Variants in FAT3 observed in about 807,000 individuals in gnomAD.
The protein encoded by FAT3 is FAT atypical cadherin 3.
FAT3 carries 95 observed loss-of-function variants against 310.2 expected under a neutral mutation model. That is an observed-to-expected ratio of 0.31 (90% confidence interval 0.26 to 0.36). FAT3 has a LOEUF of 0.36. FAT3 is among the 10% of genes least tolerant of loss of function. FAT3 has a pLI of 1.00. For synonymous variants in FAT3, 2,314 were observed against 2,192.9 expected, an observed-to-expected ratio of 1.06 and a Z score of -1.54; for missense variants, 5,408 against 5,715.6, an observed-to-expected ratio of 0.95 and a Z score of 1.74.
At chr11:92,462,999 A>G (rs1951672922) in intron 2 of FAT3, among the ~76,000 whole-genome samples, 1 of 152,168 alleles carries the variant, frequency 6.6e-6, no homozygotes, top group Non-Finnish European at 1.5e-5. Context: ...TGACTTGGCA[A>G]TTGTGCAAAG....
At chr11:92,266,905 C>G in intron 1 of FAT3, among the ~76,000 whole-genome samples, 1 of 152,126 alleles carries the variant, frequency 6.6e-6, no homozygotes, top group Non-Finnish European at 1.5e-5. Flanking sequence ...TCTGGCATAT[C>G]ACCCATGGAG....
intron 1 of FAT3, among the ~76,000 whole-genome samples, chr11:92,326,370 G>T (rs1392739999): frequency 1.3e-5 from 2 of 152,210 alleles, no homozygotes; most frequent in African/African-American, 4.8e-5. Context: ...TGTGCAAGCT[G>T]CTTTCTGAAT....
At chr11:92,812,438 AGGCAT>A (rs987881932) in intron 13 of FAT3, among the ~76,000 whole-genome samples, 2 of 151,978 alleles carry the variant, frequency 1.3e-5, no homozygotes, top group African/African-American at 4.8e-5. Context: ...AAAATTAGCC[AGGCAT>A]GGTGGTACTA....
At chr11:92,668,908 AG>A (rs1175684465) in intron 3 of FAT3, among the ~76,000 whole-genome samples, 1 of 152,214 alleles carries the variant, frequency 6.6e-6, no homozygotes, top group Non-Finnish European at 1.5e-5. Context: ...TTCCCCAACA[AG>A]GGAAGGAATC....
intron 3 of FAT3, among the ~76,000 whole-genome samples, chr11:92,612,252 A>G (rs1338686218): frequency 1.3e-5 from 2 of 152,204 alleles, no homozygotes; most frequent in African/African-American, 4.8e-5. Flanking sequence ...ACAATTGGTC[A>G]CTTTTCTCTC....
chr11:92,373,631 G>A (rs965443823), intron 2 of FAT3, among the ~76,000 whole-genome samples: 3 of 151,952 alleles, frequency 2.0e-5, no homozygotes, highest in Admixed American at 6.6e-5. Flanking sequence ...TAATGAACGC[G>A]TGATGAACTC....
chr11:92,691,907 T>C (rs2135890645), intron 3 of FAT3, among the ~76,000 whole-genome samples: 1 of 152,274 alleles, frequency 6.6e-6, no homozygotes, highest in Admixed American at 6.5e-5. Flanking sequence ...ATCTGAACTA[T>C]TGTGAGATAA....
chr11:92,406,203 C>T (rs762635764), intron 2 of FAT3, among the ~76,000 whole-genome samples: 4 of 151,988 alleles, frequency 2.6e-5, no homozygotes, highest in Non-Finnish European at 5.9e-5. Context: ...ACTATGAGTT[C>T]AGTTTTTGTT....
At chr11:92,757,056 CTGGAATTACAAGCA>C (rs1946016751) in intron 4 of FAT3, among the ~76,000 whole-genome samples, 1 of 151,502 alleles carries the variant, frequency 6.6e-6, no homozygotes, top group Non-Finnish European at 1.5e-5. Flanking sequence ...TCCTGAGTAG[CTGGAATTACAAGCA>C]TGTGCCACCA....
At chr11:92,766,000 A>C (rs1390936997) in intron 6 of FAT3, among the ~76,000 whole-genome samples, 2 of 152,090 alleles carry the variant, frequency 1.3e-5, no homozygotes, top group Non-Finnish European at 2.9e-5. Context: ...GCTGTCGTCC[A>C]TAAGAGGAAG....
intron 2 of FAT3, among the ~76,000 whole-genome samples, chr11:92,459,909 C>T (rs1237844779): frequency 6.6e-6 from 1 of 151,834 alleles, no homozygotes; most frequent in Non-Finnish European, 1.5e-5. Flanking sequence ...ATTCCTGGAG[C>T]TCTTTCAAAG....
At chr11:92,714,129 CTGTT>C (rs896520991) in intron 4 of FAT3, among the ~76,000 whole-genome samples, 12 of 152,022 alleles carry the variant, frequency 7.9e-5, no homozygotes, top group Non-Finnish European at 1.5e-4. Context: ...TTTTTATAGA[CTGTT>C]TGTATTATCT....
intron 3 of FAT3, among the ~76,000 whole-genome samples, chr11:92,590,951 C>G (rs1939394284): frequency 6.6e-6 from 1 of 151,958 alleles, no homozygotes; most frequent in Non-Finnish European, 1.5e-5. Flanking sequence ...AATGGATGAG[C>G]CAACACAGAC....
intron 1 of FAT3, among the ~76,000 whole-genome samples, chr11:92,228,626 T>A (rs1864023404): frequency 6.6e-6 from 1 of 152,236 alleles, no homozygotes; most frequent in Non-Finnish European, 1.5e-5. Context: ...GGAGAGGGTA[T>A]TTAGTCATTA....
chr11:92,543,673 TG>T (rs933954024), intron 3 of FAT3, among the ~76,000 whole-genome samples: 6 of 152,244 alleles, frequency 3.9e-5, no homozygotes, highest in African/African-American at 1.2e-4. Context: ...GTATGCCTTA[TG>T]GGTTTGATCT....
chr11:92,390,007 G>GA lies in FAT3; in HGVS notation c.3292+34609dup, dbSNP rs998627881. On this transcript the variant is annotated intron_variant, in intron 2 of 27. Coordinates refer to ENST00000525166, the MANE Select transcript of FAT3 (RefSeq NM_001367949.2). ...CTGTAGAAAAGCAGTGGAAGCAAAAGAAAAAAGCCTGTTTTTTTTTTAAAC... is the reference window on the plus strand; with the variant it reads ...CTGTAGAAAAGCAGTGGAAGCAAAAGAAAAAAAGCCTGTTTTTTTTTTAAAC... Among the ~76,000 whole-genome samples the GA allele has an allele frequency of 2.7e-5, 4 of 150,368 alleles. No homozygotes were observed. The East Asian group carries it at 5.8e-4, about 22-fold the overall frequency.
At chr11:92,423,776 T>G (rs777731855) in intron 2 of FAT3, among the ~76,000 whole-genome samples, 18 of 152,224 alleles carry the variant, frequency 1.2e-4, no homozygotes, top group Non-Finnish European at 2.1e-4. Context: ...GGTAAGAGTT[T>G]ATGTTACAGT....
chr11:92,857,168 T>C (rs1473681272), intron 19 of FAT3, 46 bp from the exon 20 acceptor site: 1 of 1,613,314 alleles, frequency 6.2e-7, no homozygotes, highest in Non-Finnish European at 8.5e-7. Context: ...GAGTGCAGGG[T>C]GAATCCCTTT....
chr11:92,564,525 C>G (rs1955358396), intron 3 of FAT3, among the ~76,000 whole-genome samples: 1 of 151,840 alleles, frequency 6.6e-6, no homozygotes, highest in Admixed American at 6.6e-5. Context: ...CTCAGCTCTG[C>G]ACCAAGTTGA....
Sources: gnomAD v4.1 joint callset for allele counts (sites outside exome capture counted in the v4.1 genomes callset) on GRCh38, gnomAD v4.1.1 for gene constraint, MANE v1.5 for transcripts, NCBI Gene and HGNC (gene_info 2026-07-23, HGNC 2026-07-21) for gene names.